Variants in ACSM3 observed in about 807,000 individuals in gnomAD.
The protein encoded by ACSM3 is acyl-coenzyme A synthetase ACSM3, mitochondrial.
A neutral mutation model predicts 74.1 loss-of-function variants in ACSM3; 61 were observed. The observed-to-expected ratio is 0.82, with a 90% CI of 0.67 to 1.02. The LOEUF is 1.02. Among genes scored for constraint, ACSM3 ranks in the 50% least tolerant of loss-of-function variants. The pLI is 0.00. For missense variants in ACSM3, 660 were observed against 697.0 expected (o/e 0.95, Z 0.60); for synonymous variants, 213 against 241.5 (o/e 0.88, Z 1.09).
chr16:20,778,298 T>C (rs968203119), intron 4 of ACSM3, among the ~76,000 whole-genome samples: 1 of 152,204 alleles, frequency 6.6e-6, no homozygotes, highest in African/African-American at 2.4e-5. Context: ...TGCCTTAGAA[T>C]TGGGCTGGCA....
intron 1 of ACSM3, among the ~76,000 whole-genome samples, chr16:20,704,485 G>C (rs966326633): frequency 3.3e-5 from 5 of 152,118 alleles, no homozygotes; most frequent in African/African-American, 1.2e-4. Flanking sequence ...GAACACACAG[G>C]CCCTTGTAAA....
At position 20,790,450 on chromosome 16, in the gene ACSM3, T is replaced by A. The variant is rs2080571750; in HGVS notation, c.1225-137T>A. 4.0e-6 allele frequency: 3 copies of A among 758,246 alleles called. No individual in the cohort carries two copies. In the Admixed American group the frequency reaches 8.0e-5, roughly 20 times the overall value. The allele number at this position is 758,246 out of a possible 1,614,324, so 47.0% of individuals were successfully genotyped here. ...CCAGCCTGGGTGACAAAGTGAGACC[T>A]TGTCTCACACACACAAAATTTTTTT... is the stretch of plus-strand genomic sequence containing the variant. On this transcript the variant is annotated intron_variant, in intron 9 of 13. Transcript: ENST00000289416. The surrounding 1 kb of genome is among the most constrained non-coding windows in gnomAD (Gnocchi z 4.0).
chr16:20,681,350 G>A (rs530679096), intron 1 of ACSM3: 157 of 152,312 alleles, frequency 1.0e-3, no homozygotes, highest in African/African-American at 3.6e-3. Context: ...TGCTAATAAT[G>A]GCCGGGTTGT....
intron 1 of ACSM3, among the ~76,000 whole-genome samples, chr16:20,700,560 G>A (rs1474615712): frequency 6.6e-6 from 1 of 151,812 alleles, no homozygotes; most frequent in Non-Finnish European, 1.5e-5. Flanking sequence ...AGGCATAGGT[G>A]GGGGACTGGG....
chr16:20,735,100 G>A (rs1288358879), intron 1 of ACSM3: 1 of 152,198 alleles, frequency 6.6e-6, no homozygotes, highest in African/African-American at 2.4e-5. Flanking sequence ...AGATCTAAGA[G>A]TCTTGTCGCT....
intron 1 of ACSM3, among the ~76,000 whole-genome samples, chr16:20,720,523 G>A (rs1237469515): frequency 1.3e-5 from 2 of 152,188 alleles, no homozygotes; most frequent in Non-Finnish European, 2.9e-5. Context: ...TTGCACACTA[G>A]CCTTGCCACT....
At chr16:20,738,272 G>C (rs373536409) in intron 1 of ACSM3, 1 of 459,532 alleles carries the variant, frequency 2.2e-6, no homozygotes, top group East Asian at 6.7e-5. Context: ...TTGTTTTCCT[G>C]TAACAACAGA....
chr16:20,724,091 C>G (rs976518904), intron 1 of ACSM3, among the ~76,000 whole-genome samples: 2 of 152,256 alleles, frequency 1.3e-5, no homozygotes, highest in Admixed American at 6.5e-5. Context: ...TTTCAGCTTT[C>G]TACATATGGC....
chr16:20,704,153 A>G (rs1232214094), intron 1 of ACSM3, among the ~76,000 whole-genome samples: 3 of 152,210 alleles, frequency 2.0e-5, no homozygotes, highest in Non-Finnish European at 4.4e-5. Flanking sequence ...ACAAAGATGA[A>G]GAAATTGAGA....
At chr16:20,692,163 ACT>A (rs1228118451) in intron 1 of ACSM3, among the ~76,000 whole-genome samples, 1 of 152,044 alleles carries the variant, frequency 6.6e-6, no homozygotes, top group African/African-American at 2.4e-5. Flanking sequence ...AAAGAGTTAA[ACT>A]CTGTAAAATA....
intron 1 of ACSM3, among the ~76,000 whole-genome samples, chr16:20,707,989 A>T (rs564268600): frequency 4.6e-5 from 7 of 152,330 alleles, no homozygotes; most frequent in South Asian, 2.1e-4. Context: ...AATGAAATTT[A>T]AAAAAATAAC....
rs114764373 is a variant in ACSM3, at chr16:20,678,523, C to T, written c.-190+3701C>T. Among the ~76,000 whole-genome samples, 1,225 of 152,292 alleles carry T rather than the reference C, an allele frequency of 8.0e-3. 20 individuals are homozygous for T. Among genetic ancestry groups the T allele is most frequent in the South Asian group, 0.035 (169 of 4,830 alleles). On this transcript the variant is annotated intron_variant, in intron 1 of 3. Coordinates refer to the ACSM3 transcript ENST00000561584. ...TACCCTGTGATGGGGGCTATCAGTA[C>T]ATGTTGGTGTTCACCTTTTCAGGAT... is the stretch of plus-strand genomic sequence containing the variant.
At chr16:20,684,194 A>G (rs1359274408) in intron 1 of ACSM3, among the ~76,000 whole-genome samples, 2 of 152,218 alleles carry the variant, frequency 1.3e-5, no homozygotes, top group African/African-American at 4.8e-5. Context: ...AATGAAACTG[A>G]CAGAAATAGA....
chr16:20,755,090 A>G (rs1220924754), intron 2 of ACSM3, among the ~76,000 whole-genome samples: 1 of 152,154 alleles, frequency 6.6e-6, no homozygotes, highest in Non-Finnish European at 1.5e-5. Flanking sequence ...AGCTCCTTGC[A>G]ACTCAGGTGT....
intron 12 of ACSM3, 51 bp downstream of exon 12, chr16:20,792,386 A>G: frequency 6.2e-7 from 1 of 1,603,634 alleles, no homozygotes; most frequent in Non-Finnish European, 8.5e-7. Context: ...AATTTAACAC[A>G]TACTTACAAA....
intron 1 of ACSM3, among the ~76,000 whole-genome samples, chr16:20,710,386 GT>G (rs2079740410): frequency 6.6e-6 from 1 of 152,114 alleles, no homozygotes; most frequent in Non-Finnish European, 1.5e-5. Flanking sequence ...CCATCTGAGT[GT>G]AGCACTTACA....
rs2152417926 is a variant in ACSM3 at position 20,737,894 on chromosome 16, G to A, written c.-189-12016G>A. 5 of 1,613,514 alleles carry A rather than the reference G, an allele frequency of 3.1e-6. No individual in the cohort carries two copies. The highest frequency in any genetic ancestry group is 3.4e-6 in the Non-Finnish European group (4 of 1,179,820). On this transcript the variant is annotated intron_variant, in intron 1 of 3. Coordinates refer to the ACSM3 transcript ENST00000561584. ...ATGGGTAACATTCGCAAAATAACTCGAGTCTTCTTTTTCTTGGTTTTGTAC... is the reference window on the plus strand; with the variant it reads ...ATGGGTAACATTCGCAAAATAACTCAAGTCTTCTTTTTCTTGGTTTTGTAC...
chr16:20,702,896 G>A (rs2079717374), intron 1 of ACSM3: 1 of 152,232 alleles, frequency 6.6e-6, no homozygotes, highest in Admixed American at 6.5e-5. Context: ...CCACGCCTGT[G>A]TCCTGAATGG....
chr16:20,737,134 T>C, intron 1 of ACSM3: 1 of 1,614,234 alleles, frequency 6.2e-7, no homozygotes. Context: ...TCCTTAGGGC[T>C]CTTCACCACC....
Sources: allele counts gnomAD v4.1 joint callset (sites outside exome capture counted in the v4.1 genomes callset), GRCh38; gene constraint gnomAD v4.1.1; non-coding constraint Gnocchi (gnomAD v3.1); transcripts MANE v1.5; gene names NCBI Gene and HGNC (gene_info 2026-07-23, HGNC 2026-07-21).